Variants in CD226 observed in about 807,000 individuals in gnomAD.
CD226 encodes CD226 molecule.
CD226 carries 24 observed loss-of-function variants against 34.9 expected under a neutral mutation model. The observed-to-expected ratio is 0.69, with a 90% CI of 0.50 to 0.97. The LOEUF is 0.97. CD226 is among the 50% of genes least tolerant of loss of function. CD226 has a pLI of 0.00. For missense variants in CD226, 397 were observed against 412.7 expected (o/e 0.96, Z 0.33); for synonymous variants, 148 against 147.4 (o/e 1.00, Z -0.03).
chr18:69,864,272 T>A lies in CD226; in HGVS notation c.*42A>T, dbSNP rs200072703. The stretch of plus-strand genomic sequence containing the variant: ...AATTGCATAAAGATCCATGCATGAG[T>A]ACATAAGAGTCATTACTAATGCACT... On this transcript the variant is annotated 3_prime_UTR_variant, in exon 6 of 6. Transcript: ENST00000582621. 1 of 1,606,038 alleles carries A rather than the reference T, an allele frequency of 6.2e-7. No homozygotes were observed. The highest frequency in any genetic ancestry group is 1.1e-5 in the South Asian group (1 of 90,630).
At position 69,864,409 on chromosome 18, in the gene CD226, T is replaced by C. The variant is rs1410078581; in HGVS notation, c.916A>G (p.Thr306Ala). ...ATGGATTGATTGGTAGGTTGACTGG[T>C]AGAGATGGGACTTCTATAGTTATTG... ...APNNYRSPIS[T>A]SQPTNQSMDD... is the part of the protein sequence containing the mutation. The change falls in exon 6 of 6, where the codon ACC becomes GCC. Residue 306 changes from threonine (T) to alanine (A), a missense_variant. Coordinates refer to ENST00000582621, the MANE Select transcript of CD226 (RefSeq NM_001303618.2). The C allele has an allele frequency of 6.2e-7, 1 of 1,613,542 alleles. No individual in the cohort carries two copies. Among genetic ancestry groups the C allele is most frequent in the South Asian group, 1.1e-5 (1 of 91,078 alleles).
At chr18:69,884,461 T>A (rs1984444567) in intron 3 of CD226, among the ~76,000 whole-genome samples, 1 of 152,250 alleles carries the variant, frequency 6.6e-6, no homozygotes, top group African/African-American at 2.4e-5. Context: ...AAACTTGTAA[T>A]TGGCAGTTCT....
chr18:69,922,006 A>G (rs1451924591), intron 2 of CD226, among the ~76,000 whole-genome samples: 1 of 152,170 alleles, frequency 6.6e-6, no homozygotes, highest in Non-Finnish European at 1.5e-5. Context: ...CCTCGTTATT[A>G]CCAGTCACAT....
intron 2 of CD226, among the ~76,000 whole-genome samples, chr18:69,941,250 C>G (rs1238507408): frequency 2.0e-5 from 3 of 152,250 alleles, no homozygotes; most frequent in Admixed American, 1.3e-4. Flanking sequence ...AGCCCCCACA[C>G]AGAATCCCCA....
chr18:69,932,181 C>T (rs935460486), intron 2 of CD226, among the ~76,000 whole-genome samples: 3 of 152,202 alleles, frequency 2.0e-5, no homozygotes, highest in Admixed American at 6.5e-5. Flanking sequence ...ATTCTCCTGA[C>T]TTGTCTTTCC....
At chr18:69,870,341 C>T (rs1983442582) in intron 4 of CD226, among the ~76,000 whole-genome samples, 1 of 134,412 alleles carries the variant, frequency 7.4e-6, no homozygotes, top group Non-Finnish European at 1.5e-5. Flanking sequence ...GTGGTGCAAT[C>T]TTGGCTCACT....
chr18:69,907,782 C>A (rs888311229), intron 2 of CD226, among the ~76,000 whole-genome samples: 2 of 152,000 alleles, frequency 1.3e-5, no homozygotes, highest in Non-Finnish European at 2.9e-5. Context: ...TTTTGAGCTC[C>A]GTCACACAGC....
At chr18:69,921,113 T>C (rs2055445701) in intron 2 of CD226, among the ~76,000 whole-genome samples, 1 of 152,134 alleles carries the variant, frequency 6.6e-6, no homozygotes, top group African/African-American at 2.4e-5. Flanking sequence ...AATCTGATCA[T>C]GGACCTCTCT....
At chr18:69,918,851 G>A (rs567875835) in intron 2 of CD226, among the ~76,000 whole-genome samples, 1 of 152,276 alleles carries the variant, frequency 6.6e-6, no homozygotes, top group Non-Finnish European at 1.5e-5. Flanking sequence ...AAAGTGGAAG[G>A]CCTGGACTGT....
At chr18:69,951,003 GTGTGT>G (rs543978259), upstream of CD226, among the ~76,000 whole-genome samples, 1,821 of 148,476 alleles carry the variant, frequency 0.012, 24 homozygotes, top group South Asian at 0.032. Context: ...GTGTGTGTGT[GTGTGT>G]GTGTGTAGAG....
chr18:69,906,923 C>T (rs2055261222), intron 2 of CD226, among the ~76,000 whole-genome samples: 1 of 152,138 alleles, frequency 6.6e-6, no homozygotes, highest in African/African-American at 2.4e-5. Flanking sequence ...AGCTTCTGTG[C>T]TCTCTTCTCC....
At chr18:69,890,203 A>G (rs1008677961) in intron 3 of CD226, among the ~76,000 whole-genome samples, 14 of 152,238 alleles carry the variant, frequency 9.2e-5, no homozygotes, top group Admixed American at 8.5e-4. Flanking sequence ...GGTCAAGAAC[A>G]CTTACTGGGC....
intron 2 of CD226, among the ~76,000 whole-genome samples, chr18:69,911,585 C>T (rs1308729057): frequency 6.6e-6 from 1 of 152,172 alleles, no homozygotes; most frequent in Non-Finnish European, 1.5e-5. Flanking sequence ...GCAATACTCA[C>T]ACACACGGGA....
At chr18:69,959,604 T>G (rs2055920032), upstream of CD226, among the ~76,000 whole-genome samples, 3 of 151,676 alleles carry the variant, frequency 2.0e-5, no homozygotes, top group South Asian at 4.2e-4. Flanking sequence ...CCCGAGTTTC[T>G]CTTTATAGGA....
Position 69,947,485 on chromosome 18 carries a change from C to A in CD226, c.-79G>T. On this transcript the variant is annotated 5_prime_UTR_variant, in exon 1 of 6. Transcript: ENST00000582621. Reference sequence around the variant, plus strand: ...TAATGTGACATGCAGATCCCCAGCACAATGCAGTTTCCTTCCTCTCAGATG... The same window carrying A: ...TAATGTGACATGCAGATCCCCAGCAAAATGCAGTTTCCTTCCTCTCAGATG... The A allele has an allele frequency of 1.2e-6, 1 of 845,398 alleles. No individual in the cohort carries two copies. The highest frequency in any genetic ancestry group is 1.7e-5 in the South Asian group (1 of 59,766). 52.4% of individuals were successfully genotyped at this position (845,398 alleles called of 1,614,324 possible). A position where few individuals can be genotyped will look rare whatever the true frequency, so the allele number is the denominator to read the frequency against.
chr18:69,947,209 C>T (rs2055804851), intron 1 of CD226, 140 bp from the exon 2 acceptor site: 4 of 912,054 alleles, frequency 4.4e-6, no homozygotes, highest in Admixed American at 5.3e-5. Context: ...AGGCGTCCTG[C>T]TGATAATTGG....
Position 69,856,605 on chromosome 18 carries a change from T to G in CD226, c.*7709A>C, listed in dbSNP as rs1359451149. On this transcript the variant is annotated 3_prime_UTR_variant, in exon 6 of 6. Transcript: ENST00000582621. ...AAAAGAATAGAAATTATACAAAGAA[T>G]GTTTTTAAAACATGATGAAATTAAG... is the stretch of plus-strand genomic sequence containing the variant. The G allele has an allele frequency of 6.6e-6, 1 of 152,142 alleles. No individual in the cohort carries two copies. The highest frequency in any genetic ancestry group is 1.5e-5 in the Non-Finnish European group (1 of 68,018). The allele number at this position is 152,142 out of a possible 1,614,324, so 9.4% of individuals were successfully genotyped here. A position where few individuals can be genotyped will look rare whatever the true frequency, so the allele number is the denominator to read the frequency against.
chr18:69,928,501 G>C (rs1226486375), intron 2 of CD226, among the ~76,000 whole-genome samples: 2 of 152,150 alleles, frequency 1.3e-5, no homozygotes, highest in African/African-American at 4.8e-5. Context: ...ACAACATCCG[G>C]GGGAATGCAG....
upstream of CD226, among the ~76,000 whole-genome samples, chr18:69,959,256 C>T (rs2055918515): frequency 1.3e-5 from 2 of 152,178 alleles, no homozygotes; most frequent in African/African-American, 4.8e-5. Context: ...TTCTAACCAG[C>T]AGAACAAATG....
Sources: gnomAD v4.1 joint callset for allele counts (sites outside exome capture counted in the v4.1 genomes callset) on GRCh38, gnomAD v4.1.1 for gene constraint, MANE v1.5 for transcripts, NCBI Gene and HGNC (gene_info 2026-07-23, HGNC 2026-07-21) for gene names.